CALN1: variants seen among roughly 807,000 people sequenced by gnomAD.
CALN1 encodes calneuron 1, also known as calcium-binding protein 8.
A neutral mutation model predicts 30.6 loss-of-function variants in CALN1; 17 were observed. The ratio of observed to expected loss-of-function variants is 0.56; its 90% CI spans 0.38 to 0.83. The LOEUF is 0.83. CALN1 is among the 40% of genes least tolerant of loss of function. CALN1 has a pLI of 0.00. For missense variants in CALN1, 291 were observed against 354.9 expected (o/e 0.82, Z 1.45); for synonymous variants, 156 against 131.4 (o/e 1.19, Z -1.28).
chr7:72,315,075 A>AG lies in CALN1; in HGVS notation c.120-36266dup, dbSNP rs1226124275. Among the ~76,000 whole-genome samples the AG allele has an allele frequency of 2.0e-5, 3 of 151,840 alleles. No individual in the cohort carries two copies. The South Asian group carries it at 6.3e-4, about 32-fold the overall frequency. ...CTGAGGCAGGAGGATCACTTAAGCTAGGGGTTCAAGGTGGCAGTGAGCTAT... is the reference window on the plus strand; with the variant it reads ...CTGAGGCAGGAGGATCACTTAAGCTAGGGGGTTCAAGGTGGCAGTGAGCTAT... On this transcript the variant is annotated intron_variant, in intron 2 of 6. Coordinates refer to ENST00000395275, the MANE Select transcript of CALN1 (RefSeq NM_031468.4).
At chr7:72,351,149 A>C (rs770485579) in intron 2 of CALN1, among the ~76,000 whole-genome samples, 3 of 152,182 alleles carry the variant, frequency 2.0e-5, no homozygotes, top group Non-Finnish European at 4.4e-5. Context: ...TAAACAAATA[A>C]ATAAATTTTT....
chr7:72,113,328 T>A (rs965858032), intron 3 of CALN1, among the ~76,000 whole-genome samples: 1 of 152,154 alleles, frequency 6.6e-6, no homozygotes, highest in African/African-American at 2.4e-5. Context: ...CCATGGGATC[T>A]TTGCACACAC....
the CALN1 span, among the ~76,000 whole-genome samples, chr7:72,475,256 C>T: frequency 5.3e-5 from 8 of 152,038 alleles, no homozygotes; most frequent in African/African-American, 1.9e-4. Flanking sequence ...GAGGTCAGGA[C>T]CATCCTGGCA....
chr7:72,452,409 T>A, the CALN1 span, among the ~76,000 whole-genome samples: 1 of 152,138 alleles, frequency 6.6e-6, no homozygotes, highest in Admixed American at 6.6e-5. Flanking sequence ...ACCCTCCTTG[T>A]GATAATGAGT....
At chr7:72,438,996 T>A (rs1385688752) in intron 1 of CALN1, among the ~76,000 whole-genome samples, 3 of 152,006 alleles carry the variant, frequency 2.0e-5, no homozygotes, top group Non-Finnish European at 4.4e-5. Context: ...GGGTTAGGGG[T>A]GCTGCTCCCC....
At chr7:71,893,719 G>C (rs1307694816) in intron 5 of CALN1, among the ~76,000 whole-genome samples, 1 of 151,574 alleles carries the variant, frequency 6.6e-6, no homozygotes, top group Non-Finnish European at 1.5e-5. Flanking sequence ...AAAAGAATAA[G>C]GTGCTTCTGC....
chr7:72,182,831 G>A (rs1262422042), intron 3 of CALN1, among the ~76,000 whole-genome samples: 1 of 151,574 alleles, frequency 6.6e-6, no homozygotes, highest in Non-Finnish European at 1.5e-5. Context: ...CTTCTGTAAA[G>A]GCACAAAGTT....
At chr7:72,187,763 C>A (rs1488176911) in intron 3 of CALN1, among the ~76,000 whole-genome samples, 3 of 152,176 alleles carry the variant, frequency 2.0e-5, no homozygotes, top group Admixed American at 6.5e-5. Flanking sequence ...GATTCTTAGT[C>A]TTTTCCTTGG....
chr7:72,424,287 G>GTCA (rs764034807), intron 1 of CALN1, among the ~76,000 whole-genome samples: 1 of 152,130 alleles, frequency 6.6e-6, no homozygotes, highest in Non-Finnish European at 1.5e-5. Flanking sequence ...CCATCAGCAA[G>GTCA]TTATGAGGAC....
rs1011918249 is a variant in CALN1 at position 71,872,448 on chromosome 7, T to A, written c.502-61956A>T. Among the ~76,000 whole-genome samples the A allele has an allele frequency of 2.0e-5, 3 of 151,224 alleles. No homozygotes were observed. The South Asian group carries it at 6.3e-4, about 32-fold the overall frequency. On this transcript the variant is annotated intron_variant, in intron 5 of 6. Transcript: ENST00000395275. Reference sequence around the variant, plus strand: ...TTGCAATTTCAATGTCGCTTTTCTGTACATAACTTGTTATGTTGTAATAAA... The same window carrying A: ...TTGCAATTTCAATGTCGCTTTTCTGAACATAACTTGTTATGTTGTAATAAA...
At chr7:72,224,695 C>T (rs1192823369) in intron 3 of CALN1, among the ~76,000 whole-genome samples, 3 of 151,614 alleles carry the variant, frequency 2.0e-5, no homozygotes, top group East Asian at 1.9e-4. Context: ...ACACGAGAAT[C>T]GCTTGAACCC....
At chr7:71,809,918 T>C (rs1787844371) in intron 6 of CALN1, among the ~76,000 whole-genome samples, 1 of 151,960 alleles carries the variant, frequency 6.6e-6, no homozygotes, top group Non-Finnish European at 1.5e-5. Flanking sequence ...CTGATGTTTA[T>C]AGATGAGGAA....
At chr7:72,482,392 C>T in the CALN1 span, among the ~76,000 whole-genome samples, 1 of 152,130 alleles carries the variant, frequency 6.6e-6, no homozygotes, top group Non-Finnish European at 1.5e-5. Flanking sequence ...CTAAGCCTAT[C>T]ATGATAATAT....
chr7:71,942,799 C>T (rs1318775233), intron 5 of CALN1, among the ~76,000 whole-genome samples: 4 of 152,218 alleles, frequency 2.6e-5, no homozygotes, highest in African/African-American at 9.6e-5. Flanking sequence ...CTAAGGAAAC[C>T]TAAAGCCGGG....
intron 3 of CALN1, among the ~76,000 whole-genome samples, chr7:72,185,584 G>A (rs761791832): frequency 6.6e-6 from 1 of 152,130 alleles, no homozygotes; most frequent in Non-Finnish European, 1.5e-5. Context: ...TCAAGTTAAG[G>A]ATTTTGATAT....
chr7:71,932,314 TACAGGCAC>T (rs1795596172), intron 5 of CALN1, among the ~76,000 whole-genome samples: 1 of 152,130 alleles, frequency 6.6e-6, no homozygotes, highest in African/African-American at 2.4e-5. Flanking sequence ...TAGCTGGGAC[TACAGGCAC>T]ACACCACCAT....
intron 3 of CALN1, among the ~76,000 whole-genome samples, chr7:72,116,699 C>T (rs376823374): frequency 2.6e-5 from 4 of 152,104 alleles, no homozygotes; most frequent in African/African-American, 2.4e-5. Flanking sequence ...AATCTAGTGT[C>T]GAACAGGACT....
intron 3 of CALN1, among the ~76,000 whole-genome samples, chr7:72,264,934 A>G (rs1796510680): frequency 6.6e-6 from 1 of 152,114 alleles, no homozygotes; most frequent in African/African-American, 2.4e-5. Context: ...GGGAACATGC[A>G]GTATTTGGTT....
chr7:72,363,224 G>A (rs1186008934), intron 2 of CALN1, among the ~76,000 whole-genome samples: 11 of 149,020 alleles, frequency 7.4e-5, no homozygotes, highest in Non-Finnish European at 4.5e-5. Context: ...CCTTCTGTGA[G>A]ATTATGACAC....
Sources: allele counts gnomAD v4.1 joint callset (sites outside exome capture counted in the v4.1 genomes callset), GRCh38; gene constraint gnomAD v4.1.1; transcripts MANE v1.5; gene names NCBI Gene and HGNC (gene_info 2026-07-23, HGNC 2026-07-21).